SVOPL: variants seen among roughly 807,000 people sequenced by gnomAD.
SVOPL encodes the protein SVOP like.
A neutral mutation model predicts 61.0 loss-of-function variants in SVOPL; 60 were observed. The ratio of observed to expected loss-of-function variants is 0.98; its 90% CI spans 0.80 to 1.22. SVOPL has a LOEUF of 1.22. Among genes scored for constraint, SVOPL ranks in the 50% most tolerant of loss-of-function variants. The pLI, the probability that SVOPL is intolerant of heterozygous loss-of-function variation, is 0.00. For missense variants in SVOPL, 662 were observed against 643.9 expected, an observed-to-expected ratio of 1.03 and a Z score of -0.30; for synonymous variants, 279 against 250.0, an observed-to-expected ratio of 1.12 and a Z score of -1.09.
intron 9 of SVOPL, among the ~76,000 whole-genome samples, chr7:138,641,832 A>G (rs1014386584): frequency 1.5e-5 from 1 of 64,906 alleles, no homozygotes; most frequent in Non-Finnish European, 3.8e-5. Flanking sequence ...ATATATATAT[A>G]TAACATATAT....
chr7:138,655,505 C>T (rs1375712991), intron 7 of SVOPL, among the ~76,000 whole-genome samples: 1 of 151,670 alleles, frequency 6.6e-6, no homozygotes, highest in Non-Finnish European at 1.5e-5. Flanking sequence ...AACTCCATTT[C>T]AAAAAATAAA....
At chr7:138,622,002 C>CTAGG (rs1799620884) in intron 13 of SVOPL, among the ~76,000 whole-genome samples, 1 of 41,298 alleles carries the variant, frequency 2.4e-5, no homozygotes, top group Non-Finnish European at 5.3e-5. Context: ...ATCTATCTAT[C>CTAGG]TATGTATCTA....
chr7:138,639,609 G>C (rs1800677587), intron 9 of SVOPL, among the ~76,000 whole-genome samples: 2 of 131,928 alleles, frequency 1.5e-5, no homozygotes, highest in African/African-American at 5.4e-5. Flanking sequence ...GACAGAGGGA[G>C]ACTCCGTCTC....
intron 14 of SVOPL, among the ~76,000 whole-genome samples, chr7:138,604,390 T>C (rs1341146576): frequency 6.6e-6 from 1 of 152,140 alleles, no homozygotes. Context: ...GTTAATATAG[T>C]GGGCTGGGCA....
At chr7:138,618,083 C>T (rs1318865164) in intron 14 of SVOPL, among the ~76,000 whole-genome samples, 1 of 152,142 alleles carries the variant, frequency 6.6e-6, no homozygotes, top group Non-Finnish European at 1.5e-5. Context: ...CAAAGCTTCC[C>T]AGATTCGAAA....
In SVOPL at chr7:138,594,901, CGT is replaced by C. The variant is rs780035796; in HGVS notation, c.1468-282_1468-281del. ...ATATACATACATACATATATATACA[CGT>C]GTGTGTCTGTGTATATATATAACTT... On this transcript the variant is annotated intron_variant, in intron 15 of 15. Transcript: ENST00000674285. Among the ~76,000 whole-genome samples the C allele has an allele frequency of 2.3e-3, 348 of 151,314 alleles. 1 individual carries two copies. The highest frequency in any genetic ancestry group is 4.2e-3 in the Non-Finnish European group (284 of 67,902).
intron 1 of SVOPL, among the ~76,000 whole-genome samples, chr7:138,693,561 G>GAAAGAAAT (rs1802996250): frequency 1.5e-5 from 1 of 66,178 alleles, no homozygotes; most frequent in Non-Finnish European, 3.0e-5. Context: ...AAGAAAGAAA[G>GAAAGAAAT]AAAGAAAGAA....
chr7:138,647,867 AT>A (rs59630043), intron 8 of SVOPL, among the ~76,000 whole-genome samples: 17,410 of 128,522 alleles, frequency 0.14, 1,771 homozygotes, highest in African/African-American at 0.33. Context: ...AAAAAAAAAA[AT>A]AGTCACATGC....
chr7:138,692,842 G>A (rs573396008), intron 1 of SVOPL, among the ~76,000 whole-genome samples: 6 of 152,200 alleles, frequency 3.9e-5, no homozygotes, highest in South Asian at 2.1e-4. Context: ...GTTTCAGGAC[G>A]GAACAAAATG....
chr7:138,689,443 A>T, intron 1 of SVOPL: 1 of 1,157,636 alleles, frequency 8.6e-7, no homozygotes, highest in Non-Finnish European at 1.3e-6. Context: ...GAAAAGGAAC[A>T]GATTGTTCCT....
Position 138,614,236 on chromosome 7 carries a change from A to G in SVOPL, c.1353+6810T>C, listed in dbSNP as rs1417338360. Among the ~76,000 whole-genome samples, 5 of 152,298 alleles carry G rather than the reference A, an allele frequency of 3.3e-5. No individual in the cohort carries two copies. The East Asian group carries it at 5.8e-4, about 18-fold the overall frequency. On this transcript the variant is annotated intron_variant, in intron 14 of 15. Transcript: ENST00000674285. ...CCAAAATAGGACCCTGAATTAAGGA[A>G]TTCTCCTTCCTCCTAACAGAGTCTC... is the stretch of plus-strand genomic sequence containing the variant.
At chr7:138,653,482 A>C (rs1474245773) in intron 7 of SVOPL, among the ~76,000 whole-genome samples, 1 of 152,138 alleles carries the variant, frequency 6.6e-6, no homozygotes, top group Non-Finnish European at 1.5e-5. Context: ...GACCATTCTG[A>C]ATATCCTAGG....
At chr7:138,662,844 A>C (rs1036605537) in intron 5 of SVOPL, 3 of 1,384,818 alleles carry the variant, frequency 2.2e-6, no homozygotes, top group Non-Finnish European at 2.8e-6. Flanking sequence ...TAATACCCGC[A>C]TCTCCTTTTA....
intron 13 of SVOPL, among the ~76,000 whole-genome samples, chr7:138,622,270 G>GTATCTATCTATCTATCTATGTATCTATC (rs1799695157): frequency 8.4e-5 from 7 of 83,798 alleles, no homozygotes; most frequent in South Asian, 4.2e-4. Context: ...ATCTATCTAT[G>GTATCTATCTATCTATCTATGTATCTATC]TATCTATCTA....
intron 1 of SVOPL, among the ~76,000 whole-genome samples, chr7:138,687,717 G>A (rs1448022181): frequency 6.0e-5 from 9 of 150,032 alleles, no homozygotes; most frequent in Non-Finnish European, 1.2e-4. Context: ...CAGAATGGGA[G>A]AGAGTATTTG....
intron 1 of SVOPL, among the ~76,000 whole-genome samples, chr7:138,690,675 G>T (rs1398782677): frequency 6.6e-6 from 1 of 152,080 alleles, no homozygotes; most frequent in African/African-American, 2.4e-5. Flanking sequence ...AGGTTTCTTT[G>T]GCAGGTGATG....
Position 138,630,111 on chromosome 7 carries a change from TC to T in SVOPL, c.800del (p.Gly267GlufsTer56), listed in dbSNP as rs1458483195. 1 of 1,613,808 alleles carries T rather than the reference TC, an allele frequency of 6.2e-7. No homozygotes were observed. ...TAGCATCCAATAGGTCTGCAAATCTTCCTCTTTTTTCCTGGGGTAATGAAAA... is the reference window on the plus strand; with the variant it reads ...TAGCATCCAATAGGTCTGCAAATCTTCTCTTTTTTCCTGGGGTAATGAAAA... ...KLVEPVLEKRGRFADLLDAKY... is the reference protein window; with the variant it reads ...KLVEPVLEKRXRFADLLDAKY... On this transcript the variant is annotated frameshift_variant, in exon 10 of 16. Transcript: ENST00000674285. LOFTEE classifies it high-confidence loss of function.
chr7:138,607,422 A>G (rs914057137), intron 14 of SVOPL, among the ~76,000 whole-genome samples: 1 of 152,246 alleles, frequency 6.6e-6, no homozygotes, highest in African/African-American at 2.4e-5. Flanking sequence ...ATGGGGAAGC[A>G]GCGGCCACAG....
intron 1 of SVOPL, among the ~76,000 whole-genome samples, chr7:138,685,834 T>G (rs1802796981): frequency 6.6e-6 from 1 of 151,516 alleles, no homozygotes; most frequent in African/African-American, 2.4e-5. Context: ...ATTGCACCGC[T>G]GCCCTCCAGC....
Sources: allele counts gnomAD v4.1 joint callset (sites outside exome capture counted in the v4.1 genomes callset), GRCh38; gene constraint gnomAD v4.1.1; transcripts MANE v1.5; gene names NCBI Gene and HGNC (gene_info 2026-07-23, HGNC 2026-07-21).